The following IL1RAPL1 variants were observed in gnomAD, a reference collection of about 807,000 sequenced individuals.
The protein encoded by IL1RAPL1 is interleukin 1 receptor accessory protein like 1.
Under a neutral mutation model 48.4 loss-of-function variants are expected in IL1RAPL1, and 3 were observed. The ratio of observed to expected loss-of-function variants is 0.06; its 90% CI spans 0.03 to 0.16. The LOEUF (loss-of-function observed/expected upper bound fraction) is 0.16, where lower values mean the gene tolerates loss of function less well. IL1RAPL1 is among the 10% of genes least tolerant of loss of function. The pLI is 1.00. For synonymous variants in IL1RAPL1, 185 were observed against 187.7 expected (o/e 0.99, Z 0.12); for missense variants, 349 against 530.6 (o/e 0.66, Z 3.36).
intron 5 of IL1RAPL1, among the ~76,000 whole-genome samples, chrX:29,496,320 A>G (rs769677553): frequency 1.8e-5 from 2 of 110,958 alleles, no homozygotes; most frequent in East Asian, 2.8e-4. Flanking sequence ...GTAATCTCCA[A>G]TGCTGGAGGT....
intron 1 of IL1RAPL1, among the ~76,000 whole-genome samples, chrX:28,735,607 A>G (rs1023290631): frequency 4.6e-5 from 5 of 108,791 alleles, no homozygotes; most frequent in Non-Finnish European, 9.5e-5. Context: ...GCAAGACCCC[A>G]TGTCTTAAAA....
chrX:29,212,316 A>AT (rs1226951303), intron 2 of IL1RAPL1, among the ~76,000 whole-genome samples: 33 of 108,114 alleles, frequency 3.1e-4, no homozygotes, highest in Non-Finnish European at 5.4e-4. Flanking sequence ...AGTCCCCCCA[A>AT]TTTTTTTTTC....
At chrX:29,075,104 T>C (rs1258407264) in intron 2 of IL1RAPL1, among the ~76,000 whole-genome samples, 1 of 111,791 alleles carries the variant, frequency 8.9e-6, no homozygotes, top group Non-Finnish European at 1.9e-5. Flanking sequence ...TATATACATA[T>C]AATGACAACG....
intron 2 of IL1RAPL1, among the ~76,000 whole-genome samples, chrX:28,951,038 C>G (rs1468814134): frequency 4.5e-5 from 4 of 89,617 alleles, no homozygotes; most frequent in Non-Finnish European, 8.7e-5. Flanking sequence ...AACCAAACAC[C>G]GCATATTCTC....
At chrX:28,637,436 C>G (rs1258592806) in intron 1 of IL1RAPL1, among the ~76,000 whole-genome samples, 1 of 111,496 alleles carries the variant, frequency 9.0e-6, no homozygotes. Flanking sequence ...GCCCTCCACC[C>G]CACCCCCAGA....
intron 2 of IL1RAPL1, among the ~76,000 whole-genome samples, chrX:29,029,325 G>C (rs1429873531): frequency 9.0e-6 from 1 of 110,915 alleles, no homozygotes; most frequent in Admixed American, 9.6e-5. Flanking sequence ...AAGTGTTGTG[G>C]TCTAAGGCAA....
chrX:29,364,562 C>CAAA (rs766680904), intron 3 of IL1RAPL1, among the ~76,000 whole-genome samples: 25 of 43,504 alleles, frequency 5.7e-4, no homozygotes, highest in African/African-American at 2.0e-3. Flanking sequence ...GACTCTATCT[C>CAAA]AAAAAAAAAA....
At chrX:29,089,749 A>AATATATATATATATATAT (rs1159198583) in intron 2 of IL1RAPL1, among the ~76,000 whole-genome samples, 238 of 16,946 alleles carry the variant, frequency 0.014, 12 homozygotes, top group Middle Eastern at 0.048. Context: ...GAGAAATATG[A>AATATATATATATATATAT]ATATATATAT....
chrX:28,775,568 A>G (rs773862037), intron 1 of IL1RAPL1, among the ~76,000 whole-genome samples: 22 of 112,866 alleles, frequency 1.9e-4, no homozygotes, highest in African/African-American at 6.7e-4. Context: ...TTAGAATTTC[A>G]ACATATCTTT....
At chrX:28,868,836 TTTGTA>T (rs1365183303) in intron 2 of IL1RAPL1, among the ~76,000 whole-genome samples, 3 of 112,428 alleles carry the variant, frequency 2.7e-5, no homozygotes, top group Non-Finnish European at 5.6e-5. Context: ...GAAGTTCCTC[TTTGTA>T]TGTGTATAAT....
At chrX:28,632,503 G>A (rs1017520693) in intron 1 of IL1RAPL1, among the ~76,000 whole-genome samples, 6 of 111,454 alleles carry the variant, frequency 5.4e-5, no homozygotes, top group Admixed American at 3.8e-4. Flanking sequence ...TTCCTAGAAG[G>A]GGGCTTTTAA....
chrX:29,233,274 C>T (rs929680192), intron 2 of IL1RAPL1, among the ~76,000 whole-genome samples: 1 of 110,774 alleles, frequency 9.0e-6, no homozygotes, highest in Admixed American at 9.7e-5. Flanking sequence ...TCCCCCAGCG[C>T]TACATCTTTT....
intron 6 of IL1RAPL1, among the ~76,000 whole-genome samples, chrX:29,879,620 A>G (rs191822704): frequency 1.4e-3 from 151 of 110,127 alleles, no homozygotes; most frequent in African/African-American, 4.6e-3. Flanking sequence ...GAGGGACTTC[A>G]AAATAAGAAT....
intron 5 of IL1RAPL1, among the ~76,000 whole-genome samples, chrX:29,401,018 T>C (rs1272694247): frequency 1.8e-5 from 2 of 111,699 alleles, no homozygotes; most frequent in Non-Finnish European, 3.8e-5. Context: ...GTATCATGGA[T>C]ACTGAACACT....
intron 1 of IL1RAPL1, among the ~76,000 whole-genome samples, chrX:28,662,006 A>G (rs1038090654): frequency 3.6e-5 from 4 of 111,702 alleles, no homozygotes; most frequent in African/African-American, 1.3e-4. Flanking sequence ...TAAGGCTGGA[A>G]CACTGATGAT....
At chrX:29,325,767 G>A (rs998016935) in intron 3 of IL1RAPL1, among the ~76,000 whole-genome samples, 9 of 112,155 alleles carry the variant, frequency 8.0e-5, no homozygotes, top group African/African-American at 2.9e-4. Context: ...TCTGCAGGCT[G>A]TGCAAGAAGC....
At chrX:29,005,691 G>A (rs1925961475) in intron 2 of IL1RAPL1, among the ~76,000 whole-genome samples, 1 of 111,547 alleles carries the variant, frequency 9.0e-6, no homozygotes, top group South Asian at 3.7e-4. Context: ...TAATTAAAAT[G>A]TTTTAAATAT....
At chrX:29,751,111 CAT>C (rs35646660) in intron 6 of IL1RAPL1, among the ~76,000 whole-genome samples, 8 of 108,977 alleles carry the variant, frequency 7.3e-5, no homozygotes, top group Admixed American at 1.0e-4. Flanking sequence ...CACATATATA[CAT>C]ATATATATAC....
chrX:28,697,125 A>C (rs943357336), intron 1 of IL1RAPL1, among the ~76,000 whole-genome samples: 25 of 111,477 alleles, frequency 2.2e-4, no homozygotes, highest in Admixed American at 5.8e-4. Context: ...AATGACTTGT[A>C]CATTGGACTT....
Sources: allele counts gnomAD v4.1 joint callset (sites outside exome capture counted in the v4.1 genomes callset), GRCh38; gene constraint gnomAD v4.1.1; transcripts MANE v1.5; gene names NCBI Gene and HGNC (gene_info 2026-07-23, HGNC 2026-07-21).